Variants in ZNF814 observed in about 807,000 individuals in gnomAD.
The protein encoded by ZNF814 is zinc finger protein 814.
ZNF814 carries 5 observed loss-of-function variants against 7.5 expected under a neutral mutation model. The observed-to-expected ratio is 0.67, with a 90% CI of 0.35 to 1.40. The LOEUF (loss-of-function observed/expected upper bound fraction) is 1.40, where lower values mean the gene tolerates loss of function less well. Ranked by LOEUF, ZNF814 falls within the 40% of genes most tolerant of loss-of-function variation. ZNF814 has a pLI of 0.04. For missense variants in ZNF814, 962 were observed against 1,018.0 expected, an observed-to-expected ratio of 0.94 and a Z score of 0.75; for synonymous variants, 315 against 340.7, an observed-to-expected ratio of 0.92 and a Z score of 0.83.
Position 57,876,772 on chromosome 19 carries a change from C to T in ZNF814, c.163+144G>A, listed in dbSNP as rs555754494. The T allele has an allele frequency of 5.6e-5, 78 of 1,405,354 alleles. 3 individuals carry two copies. In the South Asian group the frequency reaches 6.8e-4, roughly 12 times the overall value. 87.1% of individuals were successfully genotyped at this position (1,405,354 alleles called of 1,614,324 possible). A position where few individuals can be genotyped will look rare whatever the true frequency, so the allele number is the denominator to read the frequency against. ...AAGGAGTAGGGCAGTATGTACACCT[C>T]AGACCTACCAACCAAGAACCTACCC... On this transcript the variant is annotated intron_variant, in intron 2 of 2. Transcript: ENST00000435989.
chr19:57,904,187 A>C, the ZNF814 span, among the ~76,000 whole-genome samples: 1 of 152,176 alleles, frequency 6.6e-6, no homozygotes, highest in Non-Finnish European at 1.5e-5. Flanking sequence ...TATCTCAAGT[A>C]GCAGAGCATA....
chr19:57,905,041 C>T, the ZNF814 span, among the ~76,000 whole-genome samples: 1 of 113,126 alleles, frequency 8.8e-6, no homozygotes, highest in Admixed American at 9.6e-5. Flanking sequence ...GAGTGAAACT[C>T]CGTCTCAAAA....
rs1285841319 is a variant in ZNF814, at chr19:57,875,035, G to A, written c.355C>T (p.Leu119=). ...DHQGTHHKQK[L]HRCEAWGNKL... ...TTCCCCCAGGCCTCACACCTGTGCA[G>A]TTTCTGCTTGTGATGTGTTCCCTGA... is the stretch of plus-strand genomic sequence containing the variant. Residue 119 remains leucine, a synonymous_variant, in exon 3 of 3, where the codon CTG becomes TTG. Coordinates refer to ENST00000435989, the MANE Select transcript of ZNF814 (RefSeq NM_001144989.2). 3 of 1,604,018 alleles carry A rather than the reference G, an allele frequency of 1.9e-6. No homozygotes were observed. Among genetic ancestry groups the A allele is most frequent in the African/African-American group, 1.3e-5 (1 of 74,354 alleles).
the ZNF814 span, among the ~76,000 whole-genome samples, chr19:57,898,806 C>T: frequency 2.0e-5 from 3 of 152,044 alleles, no homozygotes; most frequent in East Asian, 1.9e-4. Context: ...CCGGGTGTGG[C>T]GGCATGTGCC....
chr19:57,884,269 G>A (rs116313327), intron 1 of ZNF814, among the ~76,000 whole-genome samples: 1,698 of 152,204 alleles, frequency 0.011, 33 homozygotes, highest in African/African-American at 0.039. Flanking sequence ...CAACTCTATA[G>A]GAAAAACCCT....
At chr19:57,892,690 T>C (rs1568523595), upstream of ZNF814, among the ~76,000 whole-genome samples, 2 of 152,162 alleles carry the variant, frequency 1.3e-5, no homozygotes, top group African/African-American at 4.8e-5. Context: ...CTGGAAAAGA[T>C]CCCCTTGCTA....
intron 1 of ZNF814, among the ~76,000 whole-genome samples, chr19:57,878,739 G>A (rs1168148113): frequency 6.6e-6 from 1 of 152,120 alleles, no homozygotes; most frequent in African/African-American, 2.4e-5. Context: ...GATTACAGGC[G>A]TGAGCCGCTG....
the ZNF814 span, among the ~76,000 whole-genome samples, chr19:57,898,807 G>C: frequency 6.6e-6 from 1 of 152,066 alleles, no homozygotes; most frequent in Non-Finnish European, 1.5e-5. Context: ...CGGGTGTGGC[G>C]GCATGTGCCT....
the ZNF814 span, among the ~76,000 whole-genome samples, chr19:57,900,899 G>C: frequency 8.4e-6 from 1 of 119,586 alleles, no homozygotes; most frequent in African/African-American, 3.1e-5. Flanking sequence ...CCAGGCTGGA[G>C]TGCAGTGACC....
chr19:57,903,391 C>T, the ZNF814 span, among the ~76,000 whole-genome samples: 1 of 152,124 alleles, frequency 6.6e-6, no homozygotes, highest in Non-Finnish European at 1.5e-5. Context: ...TTAATGATCT[C>T]CCTCAGACAG....
chr19:57,890,125 CA>C (rs2071726641), upstream of ZNF814, among the ~76,000 whole-genome samples: 2 of 152,254 alleles, frequency 1.3e-5, no homozygotes, highest in Non-Finnish European at 1.5e-5. Context: ...AAGATTAATG[CA>C]AAGATTAATA....
rs141239005 is a variant in ZNF814, at chr19:57,873,856, G to A, written c.1534C>T (p.Arg512Ter). 3.5e-5 allele frequency: 57 copies of A among 1,612,834 alleles called. No individual in the cohort carries two copies. The highest frequency in any genetic ancestry group is 2.0e-4 in the Admixed American group (12 of 59,914). Residue 512 changes from arginine (R) to a stop codon, truncating the protein, a stop_gained, in exon 3 of 3, where the codon CGA (arginine) becomes TGA (stop). Transcript: ENST00000435989. LOFTEE classifies it low-confidence loss of function (END_TRUNC). The stretch of plus-strand genomic sequence containing the variant: ...TAAGGTCTTGCTCCAGTGTGAACTC[G>A]CTGGTGTAGAACGAGGTTGCCCTTT... ...SQKGNLVLHQ[R>*]VHTGARPYEC...
intron 2 of ZNF814, among the ~76,000 whole-genome samples, chr19:57,876,043 C>T (rs1222450709): frequency 6.7e-6 from 1 of 149,984 alleles, no homozygotes; most frequent in Non-Finnish European, 1.5e-5. Context: ...TCACCGCAAC[C>T]TCCCCTCCTG....
intron 2 of ZNF814, among the ~76,000 whole-genome samples, chr19:57,876,305 G>A (rs951891449): frequency 6.6e-6 from 1 of 151,900 alleles, no homozygotes; most frequent in African/African-American, 2.4e-5. Flanking sequence ...ATTATGCTGA[G>A]GCTGAATTCA....
intron 1 of ZNF814, among the ~76,000 whole-genome samples, chr19:57,880,041 G>A (rs1278432870): frequency 1.0e-4 from 12 of 116,326 alleles, no homozygotes; most frequent in South Asian, 2.6e-4. Context: ...AGGTTGCAGT[G>A]AGCAGAGATC....
chr19:57,884,353 C>G (rs2071672245), intron 1 of ZNF814, among the ~76,000 whole-genome samples: 5 of 152,182 alleles, frequency 3.3e-5, no homozygotes, highest in Admixed American at 1.3e-4. Flanking sequence ...TGCCTCCCAG[C>G]TATAATCATA....
Position 57,872,949 on chromosome 19 carries a change from C to A in ZNF814, c.2441G>T (p.Ser814Ile), listed in dbSNP as rs951343947. The A allele has an allele frequency of 1.9e-6, 3 of 1,612,912 alleles. No individual in the cohort carries two copies. The highest frequency in any genetic ancestry group is 3.3e-5 in the Admixed American group (2 of 59,884). The change falls in exon 3 of 3, where the codon AGT becomes ATT. Residue 814 changes from serine to isoleucine, a missense_variant. Coordinates refer to ENST00000435989, the MANE Select transcript of ZNF814 (RefSeq NM_001144989.2). ...ECGKSFAESS[S>I]LTKHKRVHTG... Reference sequence around the variant, plus strand: ...GTGAACTCTCTTGTGTTTAGTGAGACTGGAGCTTTCAGCAAAAGATTTTCC... The same window carrying A: ...GTGAACTCTCTTGTGTTTAGTGAGAATGGAGCTTTCAGCAAAAGATTTTCC...
the ZNF814 span, among the ~76,000 whole-genome samples, chr19:57,896,112 A>C: frequency 6.6e-6 from 1 of 150,552 alleles, no homozygotes; most frequent in Non-Finnish European, 1.5e-5. This position sits in a 1 kb window ranked among gnomAD's most constrained non-coding sequence, Gnocchi z 4.2. Context: ...ATGAGAGCGC[A>C]CCTGAAAAAA....
At position 57,873,667 on chromosome 19, in the gene ZNF814, A is replaced by G. The variant is rs878994263; in HGVS notation, c.1723T>C (p.Ser575Pro). 1 of 1,606,140 alleles carries G rather than the reference A, an allele frequency of 6.2e-7. No homozygotes were observed. Among genetic ancestry groups the G allele is most frequent in the East Asian group, 2.3e-5 (1 of 44,366 alleles). ...LHQRVHPRERSYGCGECGKSF... is the reference protein window; with the variant it reads ...LHQRVHPRERPYGCGECGKSF... The stretch of plus-strand genomic sequence containing the variant: ...TTCCCACATTCTCCACACCCATAAG[A>G]TCTTTCTCTAGGGTGAACTCGCTGA... The change falls in exon 3 of 3, where the codon TCT becomes CCT. Residue 575 changes from serine (S) to proline (P), a missense_variant. This residue lies in a region of ZNF814 where 665 missense variants were observed against 551.4 expected (regional missense o/e 1.21). Coordinates refer to ENST00000435989, the MANE Select transcript of ZNF814 (RefSeq NM_001144989.2).
Sources: allele counts gnomAD v4.1 joint callset (sites outside exome capture counted in the v4.1 genomes callset), GRCh38; gene constraint gnomAD v4.1.1; regional missense constraint gnomAD v4.1.1; non-coding constraint Gnocchi (gnomAD v3.1); transcripts MANE v1.5; gene names NCBI Gene and HGNC (gene_info 2026-07-23, HGNC 2026-07-21).